DNAH12: variants seen among roughly 807,000 people sequenced by gnomAD.
DNAH12 encodes the protein dynein axonemal heavy chain 12.
A neutral mutation model predicts 371.5 loss-of-function variants in DNAH12; 285 were observed. The ratio of observed to expected loss-of-function variants is 0.77; its 90% CI spans 0.70 to 0.85. The LOEUF is 0.85. Among genes scored for constraint, DNAH12 ranks in the 40% least tolerant of loss-of-function variants. DNAH12 has a pLI of 0.00. For synonymous variants in DNAH12, 1,200 were observed against 1,213.0 expected, an observed-to-expected ratio of 0.99 and a Z score of 0.22; for missense variants, 3,611 against 3,689.4, an observed-to-expected ratio of 0.98 and a Z score of 0.55.
At position 57,334,847 on chromosome 3, in the gene DNAH12, C is replaced by G; in HGVS notation, c.9768G>C (p.Trp3256Cys). ...TTTCCTCCCAGCTTTTGTCCTGTAG[C>G]CAAGTTGGATCAGGATTTTTCTCAG... ...KSAEKNPDPT[W>C]LQDKSWEEIC... Residue 3256 changes from tryptophan to cysteine, a missense_variant, in exon 61 of 74, where the codon TGG becomes TGC. Trp to Cys is a radical substitution (Grantham distance 215, BLOSUM62 -2). This residue lies in a region of DNAH12 where 2,266 missense variants were observed against 2,236.9 expected (regional missense o/e 1.01). Coordinates refer to ENST00000495027, the MANE Select transcript of DNAH12 (RefSeq NM_001366028.2). 6.4e-7 allele frequency: 1 copy of G among 1,551,950 alleles called. No homozygotes were observed. Among genetic ancestry groups the G allele is most frequent in the South Asian group, 1.2e-5 (1 of 84,044 alleles).
intron 32 of DNAH12, among the ~76,000 whole-genome samples, chr3:57,432,311 A>G (rs1187777144): frequency 2.0e-5 from 3 of 149,798 alleles, no homozygotes; most frequent in Non-Finnish European, 4.4e-5. Flanking sequence ...CTGGGATTAC[A>G]GGCGCGCGCC....
intron 33 of DNAH12, 135 bp from the exon 34 acceptor site, chr3:57,428,956 T>C (rs1302331672): frequency 6.0e-6 from 5 of 829,744 alleles, no homozygotes; most frequent in Non-Finnish European, 7.1e-6. Context: ...CTTCACACAG[T>C]CTAGACGTTC....
At chr3:57,479,933 A>G (rs141693110) in intron 13 of DNAH12, among the ~76,000 whole-genome samples, 3,131 of 152,296 alleles carry the variant, frequency 0.021, 109 homozygotes, top group African/African-American at 0.071. Context: ...GTGTAGAGGG[A>G]AATTTATAGC....
intron 2 of DNAH12, among the ~76,000 whole-genome samples, chr3:57,538,810 GTGA>G (rs1298009184): frequency 2.6e-5 from 4 of 152,072 alleles, no homozygotes; most frequent in Non-Finnish European, 5.9e-5. Flanking sequence ...CTACATGCTG[GTGA>G]CTCCCAAATT....
intron 34 of DNAH12, among the ~76,000 whole-genome samples, chr3:57,427,392 C>T (rs146321870): frequency 9.1e-4 from 139 of 152,080 alleles, no homozygotes; most frequent in Middle Eastern, 3.4e-3. Flanking sequence ...GAGTAGAAGG[C>T]CATGTGAAGA....
intron 45 of DNAH12, among the ~76,000 whole-genome samples, chr3:57,387,902 G>C (rs987494302): frequency 6.6e-6 from 1 of 151,908 alleles, no homozygotes; most frequent in Non-Finnish European, 1.5e-5. Context: ...TCATGACTTT[G>C]TTAAGCCACA....
At position 57,471,602 on chromosome 3, in the gene DNAH12, A is replaced by G. The variant is rs1475901047; in HGVS notation, c.1781T>C (p.Ile594Thr). 9 of 1,532,220 alleles carry G rather than the reference A, an allele frequency of 5.9e-6. No individual in the cohort carries two copies. The highest frequency in any genetic ancestry group is 3.8e-5 in the South Asian group (3 of 79,958). 94.9% of individuals were successfully genotyped at this position (1,532,220 alleles called of 1,614,324 possible). ...NPIFDENDEL[I>T]ENAKHKKENE... ...TTCTTTTTTATGTTTAGCATTCTCA[A>G]TTAGCTTTTTAAAAGACAATTTGAT... The change falls in exon 15 of 74, where the codon ATT becomes ACT. Residue 594 changes from isoleucine (I) to threonine (T), a missense_variant. By Grantham distance (89) the Ile-to-Thr change is moderately conservative. This residue lies in a region of DNAH12 where 1,314 missense variants were observed against 1,398.7 expected (regional missense o/e 0.94). Transcript: ENST00000495027.
At chr3:57,393,652 GAAAGAAAGAA>G (rs2063676185) in intron 44 of DNAH12, among the ~76,000 whole-genome samples, 1 of 105,990 alleles carries the variant, frequency 9.4e-6, no homozygotes, top group African/African-American at 4.3e-5. Flanking sequence ...AAAAAAAAAA[GAAAGAAAGAA>G]AAAGAAAAAG....
chr3:57,447,698 C>T (rs573893329), intron 25 of DNAH12, among the ~76,000 whole-genome samples: 2 of 151,800 alleles, frequency 1.3e-5, no homozygotes, highest in African/African-American at 4.8e-5. Context: ...TTTTTGAGAC[C>T]GGGTCTTGCT....
intron 13 of DNAH12, among the ~76,000 whole-genome samples, chr3:57,476,784 A>G (rs993027279): frequency 1.3e-5 from 2 of 152,230 alleles, no homozygotes; most frequent in African/African-American, 4.8e-5. Flanking sequence ...AAAGAATAAG[A>G]GTAAAATATA....
At chr3:57,341,831 A>G (rs1479233353) in intron 60 of DNAH12, among the ~76,000 whole-genome samples, 1 of 151,490 alleles carries the variant, frequency 6.6e-6, no homozygotes, top group Non-Finnish European at 1.5e-5. Flanking sequence ...AAAAGAACAA[A>G]TCTAGATGCA....
chr3:57,474,271 A>T (rs1000884693), intron 13 of DNAH12, among the ~76,000 whole-genome samples: 69 of 152,316 alleles, frequency 4.5e-4, no homozygotes, highest in African/African-American at 1.6e-3. Context: ...TAAGAAGAGA[A>T]ATTTAAAATA....
At chr3:57,355,409 T>C (rs2062774806) in intron 59 of DNAH12, among the ~76,000 whole-genome samples, 2 of 152,072 alleles carry the variant, frequency 1.3e-5, no homozygotes, top group Admixed American at 1.3e-4. Context: ...TGAACCTAAC[T>C]GTATTTCACA....
chr3:57,390,424 A>AATATATATATAT (rs1159621191), intron 45 of DNAH12, among the ~76,000 whole-genome samples: 4 of 33,438 alleles, frequency 1.2e-4, no homozygotes, highest in South Asian at 2.7e-3. Context: ...AAAAAAAAAA[A>AATATATATATAT]ATATATATAT....
intron 65 of DNAH12, among the ~76,000 whole-genome samples, chr3:57,316,240 T>C (rs1406590550): frequency 6.6e-6 from 1 of 152,058 alleles, no homozygotes; most frequent in Non-Finnish European, 1.5e-5. Flanking sequence ...GTATGCATTT[T>C]AGTTTGTTTT....
At position 57,446,029 on chromosome 3, in the gene DNAH12, A is replaced by C. The variant is rs1013423193; in HGVS notation, c.4179+2T>G. ...AATAAATAAATAAATAAATAATATT[A>C]CCTTAAGATTGTCCGGCAATTCAGA... On this transcript the variant is annotated splice_donor_variant, in intron 27 of 73. Transcript: ENST00000495027. LOFTEE classifies it high-confidence loss of function. 13 of 1,510,980 alleles carry C rather than the reference A, an allele frequency of 8.6e-6. No homozygotes were observed. The African/African-American group carries it at 1.8e-4, about 21-fold the overall frequency. The allele number at this position is 1,510,980 out of a possible 1,614,324, so 93.6% of individuals were successfully genotyped here. A position where few individuals can be genotyped will look rare whatever the true frequency, so the allele number is the denominator to read the frequency against.
chr3:57,377,683 G>A (rs2063309191), intron 52 of DNAH12, among the ~76,000 whole-genome samples: 1 of 151,928 alleles, frequency 6.6e-6, no homozygotes, highest in Non-Finnish European at 1.5e-5. Context: ...TTAGAGCAGT[G>A]ATGGTGGAAA....
chr3:57,444,347 T>C (rs755255966), intron 29 of DNAH12, among the ~76,000 whole-genome samples: 8 of 152,076 alleles, frequency 5.3e-5, no homozygotes, highest in South Asian at 2.1e-4. Flanking sequence ...GACACCACCA[T>C]GCCTGGCTAA....
At chr3:57,302,388 A>G (rs2061365402) in intron 69 of DNAH12, among the ~76,000 whole-genome samples, 1 of 151,366 alleles carries the variant, frequency 6.6e-6, no homozygotes, top group Non-Finnish European at 1.5e-5. Flanking sequence ...ACTTAGGCCC[A>G]ACTTGTTAAG....
Sources: allele counts gnomAD v4.1 joint callset (sites outside exome capture counted in the v4.1 genomes callset), GRCh38; gene constraint gnomAD v4.1.1; regional missense constraint gnomAD v4.1.1; transcripts MANE v1.5; gene names NCBI Gene and HGNC (gene_info 2026-07-23, HGNC 2026-07-21).